NCKAP5: variants seen among roughly 807,000 people sequenced by gnomAD.
The protein encoded by NCKAP5 is NCK associated protein 5.
A neutral mutation model predicts 167.0 loss-of-function variants in NCKAP5; 92 were observed. The observed-to-expected ratio is 0.55, with a 90% CI of 0.47 to 0.66. The LOEUF (loss-of-function observed/expected upper bound fraction) is 0.66, where lower values mean the gene tolerates loss of function less well. Among genes scored for constraint, NCKAP5 ranks in the 30% least tolerant of loss-of-function variants. The pLI is 0.00. For missense variants in NCKAP5, 2,378 were observed against 2,315.0 expected, an observed-to-expected ratio of 1.03 and a Z score of -0.56; for synonymous variants, 891 against 877.4, an observed-to-expected ratio of 1.02 and a Z score of -0.27.
At chr2:133,287,588 T>C (rs1045856545) in intron 4 of NCKAP5, among the ~76,000 whole-genome samples, 2 of 152,266 alleles carry the variant, frequency 1.3e-5, no homozygotes, top group African/African-American at 4.8e-5. Context: ...CCTGTGTTAG[T>C]CATCATTTGA....
At chr2:133,566,861 A>G (rs1237801744) in intron 1 of NCKAP5, among the ~76,000 whole-genome samples, 1 of 152,240 alleles carries the variant, frequency 6.6e-6, no homozygotes, top group Non-Finnish European at 1.5e-5. Context: ...TCTAATACAC[A>G]AAACATATCT....
chr2:133,100,293 T>C (rs1480376513), intron 6 of NCKAP5, among the ~76,000 whole-genome samples: 1 of 152,224 alleles, frequency 6.6e-6, no homozygotes, highest in East Asian at 1.9e-4. Flanking sequence ...TGATTATTAA[T>C]CACCTGATAA....
At chr2:133,031,268 G>A (rs1559069101) in intron 6 of NCKAP5, among the ~76,000 whole-genome samples, 1 of 151,416 alleles carries the variant, frequency 6.6e-6, no homozygotes, top group East Asian at 2.0e-4. Flanking sequence ...CAGAGGCATG[G>A]TGCCAATAGC....
At chr2:133,345,928 G>A (rs1011646146) in intron 3 of NCKAP5, among the ~76,000 whole-genome samples, 1 of 152,154 alleles carries the variant, frequency 6.6e-6, no homozygotes, top group Non-Finnish European at 1.5e-5. Flanking sequence ...AGGAGTCAAA[G>A]TCTTCAATGA....
At chr2:133,122,800 G>C (rs1185891792) in intron 6 of NCKAP5, 2 of 152,156 alleles carry the variant, frequency 1.3e-5, no homozygotes, top group African/African-American at 4.8e-5. Flanking sequence ...CTCATTGTTA[G>C]AATCTTCAAG....
chr2:133,503,695 A>G (rs1192656235), intron 3 of NCKAP5, among the ~76,000 whole-genome samples: 2 of 152,244 alleles, frequency 1.3e-5, no homozygotes, highest in Non-Finnish European at 2.9e-5. Context: ...TATAGGAAAA[A>G]GGAGGAACCA....
intron 3 of NCKAP5, among the ~76,000 whole-genome samples, chr2:133,354,312 G>A (rs1684563620): frequency 7.0e-6 from 1 of 142,776 alleles, no homozygotes; most frequent in Non-Finnish European, 1.5e-5. Flanking sequence ...TTTTGAGACA[G>A]GGTCTCTCTA....
chr2:133,201,755 T>C (rs993298456), intron 5 of NCKAP5, among the ~76,000 whole-genome samples: 6 of 152,160 alleles, frequency 3.9e-5, no homozygotes, highest in African/African-American at 9.6e-5. Flanking sequence ...TGGTGTCCTA[T>C]GCTTCTCCGC....
chr2:132,845,608 T>A (rs1574403168), intron 11 of NCKAP5, among the ~76,000 whole-genome samples: 2 of 152,168 alleles, frequency 1.3e-5, no homozygotes, highest in Admixed American at 1.3e-4. Flanking sequence ...CCTTTTAGAC[T>A]TCTCCTCCCT....
chr2:132,721,013 C>CA (rs60864377), intron 19 of NCKAP5, among the ~76,000 whole-genome samples: 25,237 of 135,568 alleles, frequency 0.19, 2,476 homozygotes, highest in African/African-American at 0.26. Context: ...GACTCCATCT[C>CA]AAAAAAAAAA....
In NCKAP5 at chr2:133,474,808, T is replaced by TG. The variant is rs564308218; in HGVS notation, c.69+42649_69+42650insC. Reference sequence around the variant, plus strand: ...GAAGCCAGAATTCTAGGGTTTTTTTTTTGTTGTTGTTGTTGTTTTTGAGAC... The same window carrying TG: ...GAAGCCAGAATTCTAGGGTTTTTTTTGTTGTTGTTGTTGTTGTTTTTGAGAC... On this transcript the variant is annotated intron_variant, in intron 3 of 19. Transcript: ENST00000409261. Among the ~76,000 whole-genome samples, 1,498 of 151,956 alleles carry TG rather than the reference T, an allele frequency of 9.9e-3. 15 individuals carry two copies. The highest frequency in any genetic ancestry group is 0.028 in the African/African-American group (1,144 of 41,388).
In NCKAP5 at chr2:132,783,779, G is replaced by C; in HGVS notation, c.3032C>G (p.Ser1011Cys). ...TCGGGTTTGAATGACTGCTTCTGGG[G>C]AGGGCATAGGGTGAGTGAAGATAGG... is the stretch of plus-strand genomic sequence containing the variant. ...KKPIFTHPMP[S>C]PEAVIQTRCP... The change falls in exon 14 of 20, where the codon TCC (serine) becomes TGC (cysteine). Residue 1011 changes from serine to cysteine, a missense_variant. Physicochemically the swap from Ser to Cys is moderately radical, Grantham distance 112. This residue lies in a region of NCKAP5 where 1,325 missense variants were observed against 1,274.5 expected (regional missense o/e 1.04). Coordinates refer to ENST00000409261, the MANE Select transcript of NCKAP5 (RefSeq NM_207363.3). 1.3e-6 allele frequency: 2 copies of C among 1,578,228 alleles called. No individual in the cohort carries two copies. The highest frequency in any genetic ancestry group is 1.7e-6 in the Non-Finnish European group (2 of 1,163,594).
At chr2:132,935,980 C>CTTT (rs200071013) in intron 8 of NCKAP5, among the ~76,000 whole-genome samples, 1 of 141,804 alleles carries the variant, frequency 7.1e-6, no homozygotes, top group Non-Finnish European at 1.5e-5. Flanking sequence ...TATTTTTTTT[C>CTTT]TTTTTTTTTT....
At chr2:132,920,771 G>GTATATATATATA (rs55895538) in intron 8 of NCKAP5, among the ~76,000 whole-genome samples, 3 of 31,568 alleles carry the variant, frequency 9.5e-5, no homozygotes, top group Non-Finnish European at 1.3e-4. Flanking sequence ...ATATATGTAT[G>GTATATATATATA]TATATATATA....
chr2:132,954,844 C>T lies in NCKAP5; in HGVS notation c.579+8876G>A, dbSNP rs545739544. On this transcript the variant is annotated intron_variant, in intron 8 of 19. Transcript: ENST00000409261. ...TACTACTTTTATAATCAGAAAACTG[C>T]TAGTACAAAGTTACATAATGACATA... 4.3e-4 allele frequency: 158 copies of T among 364,372 alleles called. 2 individuals are homozygous for T. Among genetic ancestry groups the T allele is most frequent in the South Asian group, 3.1e-3 (149 of 48,116 alleles). The allele number at this position is 364,372 out of a possible 1,614,324, so 22.6% of individuals were successfully genotyped here. A position where few individuals can be genotyped will look rare whatever the true frequency, so the allele number is the denominator to read the frequency against.
chr2:133,137,345 T>C (rs900214891), intron 5 of NCKAP5, among the ~76,000 whole-genome samples: 2 of 151,442 alleles, frequency 1.3e-5, no homozygotes, highest in African/African-American at 4.9e-5. Flanking sequence ...GCAGTGCTGA[T>C]AACATCACCC....
intron 16 of NCKAP5, among the ~76,000 whole-genome samples, chr2:132,755,902 T>G (rs1217618504): frequency 6.7e-6 from 1 of 149,696 alleles, no homozygotes; most frequent in African/African-American, 2.5e-5. Flanking sequence ...ATAATGAAGA[T>G]CGATGCTTGA....
At chr2:133,229,917 C>T (rs913044594) in intron 4 of NCKAP5, among the ~76,000 whole-genome samples, 1 of 152,030 alleles carries the variant, frequency 6.6e-6, no homozygotes, top group African/African-American at 2.4e-5. Context: ...TTCCACGTAC[C>T]AGCTCACTGG....
At chr2:132,849,393 TC>T (rs1173132765) in intron 11 of NCKAP5, among the ~76,000 whole-genome samples, 2 of 152,090 alleles carry the variant, frequency 1.3e-5, no homozygotes, top group African/African-American at 4.8e-5. Context: ...GAGCTAAATA[TC>T]CCTAGAGAAT....
Sources: gnomAD v4.1 joint callset for allele counts (sites outside exome capture counted in the v4.1 genomes callset) on GRCh38, gnomAD v4.1.1 for gene constraint, gnomAD v4.1.1 regional missense constraint, MANE v1.5 for transcripts, NCBI Gene and HGNC (gene_info 2026-07-23, HGNC 2026-07-21) for gene names.